The following PRKG1 variants were observed in gnomAD, a reference collection of about 807,000 sequenced individuals.
The protein encoded by PRKG1 is protein kinase cGMP-dependent 1, also known as cGMP-dependent protein kinase 1.
A neutral mutation model predicts 88.1 loss-of-function variants in PRKG1; 35 were observed. That is an observed-to-expected ratio of 0.40 (90% CI 0.30 to 0.53). The LOEUF (loss-of-function observed/expected upper bound fraction) is 0.53, where lower values mean the gene tolerates loss of function less well. Among genes scored for constraint, PRKG1 ranks in the 20% least tolerant of loss-of-function variants. The pLI is 0.59. For synonymous variants in PRKG1, 303 were observed against 292.5 expected (o/e 1.04, Z -0.37); for missense variants, 540 against 839.8 (o/e 0.64, Z 4.41).
rs191993841 is a variant in PRKG1 at position 52,051,218 on chromosome 10, G to T, written c.763-3266G>T. On this transcript the variant is annotated intron_variant, in intron 5 of 17. Coordinates refer to ENST00000373980, the MANE Select transcript of PRKG1 (RefSeq NM_006258.4). ...TTAAAAGGAGATGGATGAGGGGAAT[G>T]AGCTCACATAGGTTAAGAGTTCTTC... Among the ~76,000 whole-genome samples the T allele has an allele frequency of 1.5e-3, 236 of 152,304 alleles. 1 individual carries two copies. The highest frequency in any genetic ancestry group is 6.8e-3 in the Middle Eastern group (2 of 294).
At chr10:52,091,844 A>G (rs933913438) in intron 7 of PRKG1, among the ~76,000 whole-genome samples, 1 of 152,236 alleles carries the variant, frequency 6.6e-6, no homozygotes, top group African/African-American at 2.4e-5. Flanking sequence ...ATGCACATTC[A>G]TGGAATTTTG....
chr10:51,526,694 A>G (rs1841893997), intron 3 of PRKG1, among the ~76,000 whole-genome samples: 1 of 152,216 alleles, frequency 6.6e-6, no homozygotes, highest in Admixed American at 6.5e-5. Context: ...CACCCTCTGT[A>G]AAAACACCAG....
intron 5 of PRKG1, among the ~76,000 whole-genome samples, chr10:52,035,408 G>A (rs1214210449): frequency 6.6e-6 from 1 of 152,152 alleles, no homozygotes; most frequent in Non-Finnish European, 1.5e-5. Flanking sequence ...CGATTTCCAC[G>A]ATGGAAAGGA....
intron 8 of PRKG1, among the ~76,000 whole-genome samples, chr10:52,137,722 C>T (rs10762580): frequency 0.39 from 58,581 of 151,846 alleles, 11,946 homozygotes; most frequent in East Asian, 0.64. Context: ...GAAAAAAATT[C>T]TATGCATATT....
intron 5 of PRKG1, among the ~76,000 whole-genome samples, chr10:51,932,735 G>C (rs1414581628): frequency 6.6e-6 from 1 of 152,114 alleles, no homozygotes; most frequent in Non-Finnish European, 1.5e-5. Flanking sequence ...ATTGAGTCTT[G>C]TGAAACCTTT....
chr10:52,202,158 G>C (rs537541076), intron 9 of PRKG1, among the ~76,000 whole-genome samples: 3 of 151,604 alleles, frequency 2.0e-5, no homozygotes, highest in Non-Finnish European at 1.5e-5. Flanking sequence ...ATGCTTCCAG[G>C]TTTGGCTTAT....
chr10:52,290,353 A>G (rs1842212426), intron 17 of PRKG1, 63 bp downstream of exon 17: 19 of 1,337,030 alleles, frequency 1.4e-5, no homozygotes, highest in Admixed American at 2.1e-5. Flanking sequence ...TCAGTCAACA[A>G]TGATCTGTTA....
At chr10:51,194,508 T>C (rs1837712851) in intron 2 of PRKG1, among the ~76,000 whole-genome samples, 1 of 152,128 alleles carries the variant, frequency 6.6e-6, no homozygotes, top group South Asian at 2.1e-4. Context: ...TTGAATATTG[T>C]AAAACTTGCC....
intron 4 of PRKG1, among the ~76,000 whole-genome samples, chr10:51,860,109 A>G (rs1840833072): frequency 6.6e-6 from 1 of 152,204 alleles, no homozygotes; most frequent in Non-Finnish European, 1.5e-5. Flanking sequence ...AAATAGGGTA[A>G]ATAAGTACCC....
At chr10:51,469,775 GTGTT>G (rs1336261422) in intron 3 of PRKG1, among the ~76,000 whole-genome samples, 8 of 151,832 alleles carry the variant, frequency 5.3e-5, no homozygotes, top group Non-Finnish European at 1.0e-4. Flanking sequence ...GCATGTGTGT[GTGTT>G]TGTTTCTTCA....
chr10:52,264,611 A>G (rs1472283155), intron 10 of PRKG1, among the ~76,000 whole-genome samples: 1 of 152,114 alleles, frequency 6.6e-6, no homozygotes, highest in Admixed American at 6.6e-5. Context: ...TTCACCAAAT[A>G]ATATAGATTT....
intron 9 of PRKG1, among the ~76,000 whole-genome samples, chr10:52,235,507 G>C (rs1350412056): frequency 6.7e-6 from 1 of 150,322 alleles, no homozygotes; most frequent in Non-Finnish European, 1.5e-5. Flanking sequence ...AAAGGCAGGG[G>C]TTGCAATCCT....
chr10:51,030,479 G>A (rs1490542550), intron 1 of PRKG1, among the ~76,000 whole-genome samples: 1 of 152,208 alleles, frequency 6.6e-6, no homozygotes. Context: ...CTGATAGAAA[G>A]TGCTTCCTGA....
intron 2 of PRKG1, among the ~76,000 whole-genome samples, chr10:51,447,835 G>A (rs1169417348): frequency 6.6e-6 from 1 of 151,986 alleles, no homozygotes; most frequent in African/African-American, 2.4e-5. Context: ...GCAAAAGGCT[G>A]TAATATGTCT....
intron 3 of PRKG1, among the ~76,000 whole-genome samples, chr10:51,508,500 T>C (rs1841293954): frequency 6.6e-6 from 1 of 152,138 alleles, no homozygotes; most frequent in South Asian, 2.1e-4. Flanking sequence ...ATTAGCAGAT[T>C]GCCTTGAAAT....
intron 1 of PRKG1, among the ~76,000 whole-genome samples, chr10:51,052,777 A>G (rs1280870496): frequency 6.6e-6 from 1 of 152,230 alleles, no homozygotes; most frequent in Non-Finnish European, 1.5e-5. Context: ...TTTATCACCA[A>G]ACCAGCTAAC....
At chr10:51,332,945 C>A (rs968699742) in intron 2 of PRKG1, among the ~76,000 whole-genome samples, 3 of 152,178 alleles carry the variant, frequency 2.0e-5, no homozygotes, top group Non-Finnish European at 2.9e-5. Flanking sequence ...GCAGAGAGTG[C>A]TATCTCCTTT....
chr10:51,242,802 A>G (rs1007119937), intron 2 of PRKG1, among the ~76,000 whole-genome samples: 3 of 152,188 alleles, frequency 2.0e-5, no homozygotes, highest in Admixed American at 1.3e-4. Context: ...GATGATGCCA[A>G]TCATGAGCAA....
rs1842180487 is a variant in PRKG1, at chr10:52,289,016, T to A, written c.1895+23T>A. The stretch of plus-strand genomic sequence containing the variant: ...CAAGTAAGTGTTCTTTCTGCAGAGT[T>A]CTGAACACGTGACATCATTTCCCCA... On this transcript the variant is annotated intron_variant, in intron 16 of 17. Transcript: ENST00000373980. 4 of 1,583,576 alleles carry A rather than the reference T, an allele frequency of 2.5e-6. No homozygotes were observed. In the African/African-American group the frequency reaches 5.4e-5, roughly 22 times the overall value.
Sources: allele counts gnomAD v4.1 joint callset (sites outside exome capture counted in the v4.1 genomes callset), GRCh38; gene constraint gnomAD v4.1.1; transcripts MANE v1.5; gene names NCBI Gene and HGNC (gene_info 2026-07-23, HGNC 2026-07-21).